The following LRRC4C variants were observed in gnomAD, a reference collection of about 807,000 sequenced individuals.
LRRC4C encodes the protein leucine-rich repeat-containing protein 4C.
A neutral mutation model predicts 33.6 loss-of-function variants in LRRC4C; 5 were observed. That is an observed-to-expected ratio of 0.15 (90% CI 0.08 to 0.31). The LOEUF (loss-of-function observed/expected upper bound fraction) is 0.31, where lower values mean the gene tolerates loss of function less well. Among genes scored for constraint, LRRC4C ranks in the 10% least tolerant of loss-of-function variants. LRRC4C has a pLI of 1.00. For missense variants in LRRC4C, 560 were observed against 796.7 expected (o/e 0.70, Z 3.58); for synonymous variants, 329 against 302.0 (o/e 1.09, Z -0.93).
intron 1 of LRRC4C, among the ~76,000 whole-genome samples, chr11:41,130,589 A>G (rs1252703255): frequency 3.3e-5 from 5 of 152,128 alleles, no homozygotes; most frequent in South Asian, 2.1e-4. Flanking sequence ...TTCATCTTTG[A>G]TTGATCAATT....
intron 5 of LRRC4C, among the ~76,000 whole-genome samples, chr11:40,205,770 G>A (rs1661750456): frequency 6.6e-6 from 1 of 152,066 alleles, no homozygotes; most frequent in Admixed American, 6.6e-5. Flanking sequence ...TGACCAACTA[G>A]GTTCTTCATC....
chr11:40,260,747 T>G (rs1242014160), intron 4 of LRRC4C, among the ~76,000 whole-genome samples: 1 of 152,180 alleles, frequency 6.6e-6, no homozygotes, highest in African/African-American at 2.4e-5. Flanking sequence ...GTCAGCAACC[T>G]TTGACATTTG....
At chr11:40,709,458 T>C (rs1249488628) in intron 2 of LRRC4C, among the ~76,000 whole-genome samples, 1 of 152,158 alleles carries the variant, frequency 6.6e-6, no homozygotes, top group East Asian at 1.9e-4. Flanking sequence ...TCTCCTTCAC[T>C]TATGAAGCTT....
intron 1 of LRRC4C, among the ~76,000 whole-genome samples, chr11:41,009,907 A>G (rs1855047396): frequency 6.6e-6 from 1 of 152,202 alleles, no homozygotes; most frequent in Admixed American, 6.5e-5. Flanking sequence ...TCAATTTATA[A>G]TGAGGCCATT....
intron 3 of LRRC4C, among the ~76,000 whole-genome samples, chr11:40,560,953 T>A (rs1565505859): frequency 2.6e-5 from 4 of 152,194 alleles, no homozygotes; most frequent in East Asian, 3.8e-4. Context: ...AGATTCAATA[T>A]ATAAAATTAC....
At chr11:40,235,471 C>T (rs556838808) in intron 5 of LRRC4C, among the ~76,000 whole-genome samples, 77 of 152,242 alleles carry the variant, frequency 5.1e-4, no homozygotes, top group Non-Finnish European at 8.5e-4. Flanking sequence ...TCAAAGCAAA[C>T]TTATTATATG....
chr11:40,594,825 T>C (rs1959194547), intron 3 of LRRC4C, among the ~76,000 whole-genome samples: 1 of 152,160 alleles, frequency 6.6e-6, no homozygotes. Flanking sequence ...TTTATGTTTT[T>C]GTAGAAATAT....
chr11:40,915,883 G>A (rs1375156893), intron 2 of LRRC4C, among the ~76,000 whole-genome samples: 1 of 152,072 alleles, frequency 6.6e-6, no homozygotes, highest in African/African-American at 2.4e-5. Context: ...AAAAGTGGGT[G>A]AAGGATATGA....
intron 3 of LRRC4C, among the ~76,000 whole-genome samples, chr11:40,525,423 G>A (rs1956004220): frequency 6.6e-6 from 1 of 152,146 alleles, no homozygotes; most frequent in South Asian, 2.1e-4. Flanking sequence ...TCCAGCCTGG[G>A]TGACAGAGAG....
chr11:41,443,089 ATTT>A, intron 1 of LRRC4C, among the ~76,000 whole-genome samples: 5 of 105,944 alleles, frequency 4.7e-5, no homozygotes, highest in African/African-American at 7.4e-5. Flanking sequence ...TGTTTGCTTC[ATTT>A]TTTTTTTTTT....
chr11:41,434,565 A>T (rs1469169065), intron 1 of LRRC4C, among the ~76,000 whole-genome samples: 1 of 152,170 alleles, frequency 6.6e-6, no homozygotes, highest in Non-Finnish European at 1.5e-5. Context: ...AAATACAGGG[A>T]AGGACTTCGT....
chr11:40,939,617 A>G (rs1592141763), intron 1 of LRRC4C, among the ~76,000 whole-genome samples: 1 of 152,156 alleles, frequency 6.6e-6, no homozygotes, highest in Non-Finnish European at 1.5e-5. Flanking sequence ...CTTTGGACCT[A>G]TAACAGTCCA....
intron 1 of LRRC4C, among the ~76,000 whole-genome samples, chr11:41,220,891 A>G (rs529866383): frequency 6.6e-6 from 1 of 152,312 alleles, no homozygotes; most frequent in Non-Finnish European, 1.5e-5. Flanking sequence ...AATAAAACAG[A>G]TTACGTCTCT....
chr11:40,256,394 T>C (rs1325252130), intron 4 of LRRC4C, among the ~76,000 whole-genome samples: 4 of 152,114 alleles, frequency 2.6e-5, no homozygotes, highest in South Asian at 2.1e-4. Flanking sequence ...TTGGGAAGAA[T>C]ATATGTAAAA....
chr11:40,885,392 C>T (rs1200017301), intron 2 of LRRC4C, among the ~76,000 whole-genome samples: 3 of 152,070 alleles, frequency 2.0e-5, no homozygotes, highest in Admixed American at 6.6e-5. Context: ...CACCAGGCCA[C>T]ACCCACTGTA....
chr11:40,451,268 C>T (rs1159045844), intron 3 of LRRC4C, among the ~76,000 whole-genome samples: 2 of 149,744 alleles, frequency 1.3e-5, no homozygotes, highest in Non-Finnish European at 3.0e-5. Flanking sequence ...ATTGATAAGC[C>T]TTTAGTTAAA....
chr11:40,613,518 T>C (rs1961445964), intron 3 of LRRC4C, among the ~76,000 whole-genome samples: 1 of 151,892 alleles, frequency 6.6e-6, no homozygotes, highest in African/African-American at 2.4e-5. Flanking sequence ...TGTAGTTACT[T>C]ATTCTACTGA....
At chr11:41,377,005 C>T (rs1952960737) in intron 1 of LRRC4C, among the ~76,000 whole-genome samples, 3 of 152,192 alleles carry the variant, frequency 2.0e-5, no homozygotes, top group Admixed American at 6.6e-5. Flanking sequence ...ATCTAACATT[C>T]CAATTTTCTG....
intron 1 of LRRC4C, among the ~76,000 whole-genome samples, chr11:41,225,770 T>C (rs1465722268): frequency 6.6e-6 from 1 of 152,126 alleles, no homozygotes; most frequent in South Asian, 2.1e-4. Flanking sequence ...CCCAACAAAT[T>C]GGAAACTTTT....
Sources: allele counts gnomAD v4.1 joint callset (sites outside exome capture counted in the v4.1 genomes callset), GRCh38; gene constraint gnomAD v4.1.1; transcripts MANE v1.5; gene names NCBI Gene and HGNC (gene_info 2026-07-23, HGNC 2026-07-21).